Variants in NLGN1 observed in about 807,000 individuals in gnomAD.
NLGN1 encodes neuroligin 1, also known as neuroligin-1.
A neutral mutation model predicts 65.5 loss-of-function variants in NLGN1; 12 were observed. That is an observed-to-expected ratio of 0.18 (90% CI 0.12 to 0.30). The LOEUF is 0.30. NLGN1 is among the 10% of genes least tolerant of loss of function. NLGN1 has a pLI of 1.00. For missense variants in NLGN1, 750 were observed against 1,007.1 expected (o/e 0.74, Z 3.46); for synonymous variants, 350 against 359.5 (o/e 0.97, Z 0.30).
chr3:173,573,932 G>A (rs550932556), intron 2 of NLGN1, among the ~76,000 whole-genome samples: 20 of 151,394 alleles, frequency 1.3e-4, no homozygotes, highest in South Asian at 1.0e-3. Flanking sequence ...GCGTGGTAGC[G>A]GGCGCCTGTA....
At chr3:173,975,928 A>G (rs1560760147) in intron 4 of NLGN1, among the ~76,000 whole-genome samples, 1 of 152,080 alleles carries the variant, frequency 6.6e-6, no homozygotes, top group Non-Finnish European at 1.5e-5. Context: ...AAATCTGATT[A>G]CCACTGCTGT....
At chr3:173,515,903 T>A (rs978475361) in intron 2 of NLGN1, among the ~76,000 whole-genome samples, 1 of 152,092 alleles carries the variant, frequency 6.6e-6, no homozygotes, top group East Asian at 1.9e-4. Context: ...TCCATTCTTA[T>A]ATATTATCTG....
chr3:173,442,136 A>C (rs1372530218), intron 2 of NLGN1, among the ~76,000 whole-genome samples: 1 of 152,152 alleles, frequency 6.6e-6, no homozygotes, highest in Non-Finnish European at 1.5e-5. Flanking sequence ...AAATGCCAAT[A>C]ACATTTGGGA....
At chr3:173,742,431 A>G (rs1774794415) in intron 3 of NLGN1, among the ~76,000 whole-genome samples, 1 of 152,128 alleles carries the variant, frequency 6.6e-6, no homozygotes, top group Non-Finnish European at 1.5e-5. Flanking sequence ...AAATTTTTTC[A>G]AGCTTCTACT....
chr3:173,521,166 T>A (rs1734697329), intron 2 of NLGN1, among the ~76,000 whole-genome samples: 2 of 152,192 alleles, frequency 1.3e-5, no homozygotes, highest in African/African-American at 4.8e-5. Flanking sequence ...TTTAATAACC[T>A]GCTGCTGAAT....
intron 2 of NLGN1, among the ~76,000 whole-genome samples, chr3:173,509,395 A>G (rs1732556810): frequency 6.6e-6 from 1 of 152,140 alleles, no homozygotes; most frequent in South Asian, 2.1e-4. Flanking sequence ...TTTGATATCA[A>G]AAATGTATTT....
intron 4 of NLGN1, among the ~76,000 whole-genome samples, chr3:174,070,828 G>A (rs1739679725): frequency 6.6e-6 from 1 of 152,152 alleles, no homozygotes; most frequent in Non-Finnish European, 1.5e-5. Flanking sequence ...GCCAAGGTAG[G>A]AGGATTGCTT....
intron 4 of NLGN1, among the ~76,000 whole-genome samples, chr3:174,221,274 G>T (rs1045114448): frequency 6.6e-6 from 1 of 152,066 alleles, no homozygotes; most frequent in Admixed American, 6.6e-5. Context: ...GGAAGCAGGC[G>T]ACACTTTAGC....
chr3:173,795,769 T>C (rs1053615220), intron 3 of NLGN1, among the ~76,000 whole-genome samples: 5 of 152,140 alleles, frequency 3.3e-5, no homozygotes, highest in African/African-American at 1.2e-4. Context: ...ATAAACTAAA[T>C]TTTACCCCAA....
intron 1 of NLGN1, among the ~76,000 whole-genome samples, chr3:173,412,702 A>G (rs1010248286): frequency 1.3e-5 from 2 of 152,170 alleles, no homozygotes; most frequent in Admixed American, 1.3e-4. Context: ...AAGAATTGCT[A>G]TAGTTCTTCT....
chr3:173,483,048 G>A (rs523350), intron 2 of NLGN1, among the ~76,000 whole-genome samples: 1 of 151,904 alleles, frequency 6.6e-6, no homozygotes, highest in African/African-American at 2.4e-5. Context: ...AGTCTTTTAA[G>A]CCTCCCAACC....
At chr3:173,428,333 G>A (rs930631698) in intron 1 of NLGN1, among the ~76,000 whole-genome samples, 10 of 151,580 alleles carry the variant, frequency 6.6e-5, no homozygotes, top group African/African-American at 2.4e-4. Context: ...TGATTTTCTG[G>A]TTGTATTGTA....
intron 2 of NLGN1, among the ~76,000 whole-genome samples, chr3:173,556,791 G>A (rs979816234): frequency 7.6e-5 from 10 of 131,964 alleles, no homozygotes; most frequent in South Asian, 2.7e-4. Context: ...GTGACAGAGC[G>A]AGGACCTGTC....
intron 4 of NLGN1, among the ~76,000 whole-genome samples, chr3:173,812,651 C>T (rs749670899): frequency 2.0e-4 from 31 of 151,288 alleles, no homozygotes; most frequent in South Asian, 8.4e-4. Context: ...GGATCAGTTG[C>T]GTCTGTGATC....
At chr3:174,251,146 CTG>C (rs1465959776) in intron 4 of NLGN1, among the ~76,000 whole-genome samples, 6 of 152,080 alleles carry the variant, frequency 3.9e-5, no homozygotes, top group African/African-American at 1.4e-4. Context: ...ATATTTATAA[CTG>C]TAAAATATTC....
chr3:174,283,363 G>A (rs951773263), exon 7 of NLGN1: 4 of 151,420 alleles, frequency 2.6e-5, no homozygotes, highest in African/African-American at 9.7e-5. Context: ...GATTAGCTTT[G>A]TGTTGTTAAA....
chr3:173,966,982 A>G (rs542750319), intron 4 of NLGN1, among the ~76,000 whole-genome samples: 1 of 152,332 alleles, frequency 6.6e-6, no homozygotes, highest in East Asian at 1.9e-4. Flanking sequence ...AAAAATTCAT[A>G]TAGTTTGTGG....
intron 4 of NLGN1, among the ~76,000 whole-genome samples, chr3:174,251,400 CTT>C (rs1468390676): frequency 1.3e-5 from 2 of 152,158 alleles, no homozygotes. Context: ...CATAAAGTAA[CTT>C]TGTGCAAATT....
intron 3 of NLGN1, among the ~76,000 whole-genome samples, chr3:173,728,048 A>G (rs1772102950): frequency 6.6e-6 from 1 of 152,124 alleles, no homozygotes. Flanking sequence ...TATGAAAAAA[A>G]TATAGGGAAT....
Sources: allele counts gnomAD v4.1 joint callset (sites outside exome capture counted in the v4.1 genomes callset), GRCh38; gene constraint gnomAD v4.1.1; transcripts MANE v1.5; gene names NCBI Gene and HGNC (gene_info 2026-07-23, HGNC 2026-07-21).